SLX9: variants seen among roughly 807,000 people sequenced by gnomAD.
SLX9 encodes ribosome biogenesis protein SLX9 homolog.
Under a neutral mutation model 20.8 loss-of-function variants are expected in SLX9, and 19 were observed. The ratio of observed to expected loss-of-function variants is 0.91; its 90% CI spans 0.64 to 1.34. The LOEUF is 1.34. Among genes scored for constraint, SLX9 ranks in the 40% most tolerant of loss-of-function variants. The pLI is 0.00. For synonymous variants in SLX9, 113 were observed against 137.1 expected (o/e 0.82, Z 1.23); for missense variants, 299 against 322.2 (o/e 0.93, Z 0.55).
rs1601361904 is a variant in SLX9, at chr21:44,940,273, G to T, written c.129+87G>T. On this transcript the variant is annotated intron_variant, in intron 1 of 5. Transcript: ENST00000291634. ...GGCGCCGCCTCCGGGAGGGTTCCGC[G>T]ACCCCGGCCTTCCCTCGGGCTCTGC... The T allele has an allele frequency of 5.0e-6, 6 of 1,190,198 alleles. No homozygotes were observed. In the East Asian group the frequency reaches 2.2e-4, roughly 43 times the overall value. The allele number at this position is 1,190,198 out of a possible 1,614,324, so 73.7% of individuals were successfully genotyped here.
At chr21:44,952,030 G>A (rs574052812) in intron 2 of SLX9, among the ~76,000 whole-genome samples, 2 of 147,852 alleles carry the variant, frequency 1.4e-5, no homozygotes, top group South Asian at 4.1e-4. Flanking sequence ...AGTGCAGCAG[G>A]CTAAGCCTTC....
chr21:44,949,183 C>T (rs2084705512), intron 2 of SLX9, among the ~76,000 whole-genome samples: 1 of 152,194 alleles, frequency 6.6e-6, no homozygotes, highest in Non-Finnish European at 1.5e-5. Flanking sequence ...GGTCCCGAGC[C>T]CCGACTTGGC....
At chr21:44,966,647 C>T (rs1026386056) in intron 3 of SLX9, among the ~76,000 whole-genome samples, 6 of 152,126 alleles carry the variant, frequency 3.9e-5, no homozygotes, top group African/African-American at 1.4e-4. Context: ...CAAAGCTGAG[C>T]CTCCCAGGCT....
chr21:44,942,221 G>T (rs1343575808), intron 1 of SLX9, among the ~76,000 whole-genome samples: 2 of 152,332 alleles, frequency 1.3e-5, no homozygotes, highest in East Asian at 3.9e-4. Flanking sequence ...GCTGCATGCT[G>T]CACCCCTTGT....
intron 5 of SLX9, among the ~76,000 whole-genome samples, chr21:44,975,885 C>T (rs537673556): frequency 9.8e-5 from 15 of 152,364 alleles, no homozygotes; most frequent in East Asian, 1.9e-4. Flanking sequence ...GGTCGTCCAG[C>T]GGGGTGTGAA....
chr21:44,967,687 G>A (rs968907075), intron 4 of SLX9, among the ~76,000 whole-genome samples: 1 of 152,178 alleles, frequency 6.6e-6, no homozygotes, highest in African/African-American at 2.4e-5. Flanking sequence ...TCACTCTGTC[G>A]CACAGAGGGT....
At chr21:44,974,440 G>A (rs1228612173) in intron 5 of SLX9, among the ~76,000 whole-genome samples, 1 of 152,132 alleles carries the variant, frequency 6.6e-6, no homozygotes, top group African/African-American at 2.4e-5. Flanking sequence ...TGCACTTACT[G>A]GATCTCTCTA....
At chr21:44,966,457 A>G (rs2085037296) in intron 3 of SLX9, among the ~76,000 whole-genome samples, 2 of 152,144 alleles carry the variant, frequency 1.3e-5, no homozygotes, top group Non-Finnish European at 2.9e-5. Context: ...GTTTTGAGAT[A>G]AATACATTTT....
At chr21:44,959,540 C>T (rs1432248718) in intron 2 of SLX9, among the ~76,000 whole-genome samples, 1 of 152,240 alleles carries the variant, frequency 6.6e-6, no homozygotes, top group Non-Finnish European at 1.5e-5. Flanking sequence ...GGACCAAGCA[C>T]AGGGGCACCT....
Position 44,940,045 on chromosome 21 carries a change from C to A in SLX9, c.-13C>A. On this transcript the variant is annotated 5_prime_UTR_variant, in exon 1 of 6. Transcript: ENST00000291634. ...GGAGGCGCTCCGCACGTTTGCCGTG[C>A]TCCGCCGGGAAGATGGGGAAAGTGA... 1 of 1,439,708 alleles carries A rather than the reference C, an allele frequency of 6.9e-7. No individual in the cohort carries two copies. The highest frequency in any genetic ancestry group is 3.0e-5 in the East Asian group (1 of 33,820). The allele number at this position is 1,439,708 out of a possible 1,614,324, so 89.2% of individuals were successfully genotyped here.
At chr21:44,959,063 T>G in intron 2 of SLX9, 2 of 254,638 alleles carry the variant, frequency 7.9e-6, no homozygotes, top group Non-Finnish European at 1.2e-5. Flanking sequence ...GGAAAGTAGG[T>G]CAACCCAGGC....
chr21:44,962,891 T>C (rs1195616696), intron 3 of SLX9, among the ~76,000 whole-genome samples: 1 of 152,160 alleles, frequency 6.6e-6, no homozygotes, highest in Non-Finnish European at 1.5e-5. Context: ...GTGGTACTCA[T>C]TTCCGTTGCC....
chr21:44,950,236 CAA>C (rs573708011), intron 2 of SLX9, among the ~76,000 whole-genome samples: 7 of 144,454 alleles, frequency 4.8e-5, no homozygotes, highest in African/African-American at 1.7e-4. Context: ...TCCAGTATCT[CAA>C]AAAAAAAAAA....
chr21:44,971,254 T>C (rs912798970), intron 4 of SLX9, among the ~76,000 whole-genome samples: 9 of 152,088 alleles, frequency 5.9e-5, no homozygotes, highest in Non-Finnish European at 1.3e-4. Flanking sequence ...TGGGCGGAGT[T>C]AGGCTCCAAT....
Position 44,976,863 on chromosome 21 carries a change from G to A in SLX9, c.*60G>A, listed in dbSNP as rs2085274654. 4.2e-5 allele frequency: 64 copies of A among 1,532,552 alleles called. No homozygotes were observed. The highest frequency in any genetic ancestry group is 5.4e-5 in the Non-Finnish European group (62 of 1,145,660). 94.9% of individuals were successfully genotyped at this position (1,532,552 alleles called of 1,614,324 possible). ...ACATGTGGGCCAAGTAGAGAGCGCC[G>A]GCCCCTCAAGGACCATGGCCTGAGC... On this transcript the variant is annotated 3_prime_UTR_variant, in exon 6 of 6. Transcript: ENST00000291634.
intron 4 of SLX9, among the ~76,000 whole-genome samples, chr21:44,967,877 A>G (rs960286123): frequency 1.3e-4 from 20 of 152,080 alleles, no homozygotes; most frequent in African/African-American, 4.8e-4. Flanking sequence ...AGCTGTACCT[A>G]CCTGTGTGGG....
At chr21:44,968,781 C>T (rs1388919407) in intron 4 of SLX9, among the ~76,000 whole-genome samples, 2 of 143,532 alleles carry the variant, frequency 1.4e-5, no homozygotes, top group African/African-American at 2.7e-5. Context: ...GGAGACGGAG[C>T]CTTGCTCTGT....
chr21:44,951,322 G>T (rs1354422046), intron 2 of SLX9, among the ~76,000 whole-genome samples: 1 of 152,134 alleles, frequency 6.6e-6, no homozygotes, highest in Non-Finnish European at 1.5e-5. Context: ...TAGGAGAGAG[G>T]CAGGGAAAGT....
At chr21:44,964,078 A>T (rs9974072) in intron 3 of SLX9, among the ~76,000 whole-genome samples, 1 of 151,950 alleles carries the variant, frequency 6.6e-6, no homozygotes, top group African/African-American at 2.4e-5. Flanking sequence ...TTCATCATCA[A>T]TGTTATTCAG....
Sources: allele counts gnomAD v4.1 joint callset (sites outside exome capture counted in the v4.1 genomes callset), GRCh38; gene constraint gnomAD v4.1.1; transcripts MANE v1.5; gene names NCBI Gene and HGNC (gene_info 2026-07-23, HGNC 2026-07-21).